Variants in DPP6 observed in about 807,000 individuals in gnomAD.
The protein encoded by DPP6 is A-type potassium channel modulatory protein DPP6.
DPP6 carries 69 observed loss-of-function variants against 122.6 expected under a neutral mutation model. The observed-to-expected ratio is 0.56, with a 90% CI of 0.46 to 0.69. The LOEUF is 0.69. Among genes scored for constraint, DPP6 ranks in the 30% least tolerant of loss-of-function variants. DPP6 has a pLI of 0.00. For synonymous variants in DPP6, 418 were observed against 433.1 expected (o/e 0.97, Z 0.43); for missense variants, 928 against 1,116.9 (o/e 0.83, Z 2.41).
intron 1 of DPP6, among the ~76,000 whole-genome samples, chr7:154,011,949 T>A (rs1798171992): frequency 6.6e-6 from 1 of 152,216 alleles, no homozygotes; most frequent in African/African-American, 2.4e-5. Context: ...AATGTTTTTA[T>A]GATGAAACTG....
At chr7:154,026,137 G>A (rs1296616594) in intron 1 of DPP6, 4 of 151,654 alleles carry the variant, frequency 2.6e-5, no homozygotes, top group Non-Finnish European at 5.9e-5. Flanking sequence ...GGTCAGGTAC[G>A]CAGGTGCCAC....
At chr7:154,866,958 G>T (rs887894689) in intron 17 of DPP6, among the ~76,000 whole-genome samples, 1 of 151,236 alleles carries the variant, frequency 6.6e-6, no homozygotes, top group African/African-American at 2.4e-5. Flanking sequence ...CAGCTGCCCC[G>T]GAGAAGCGCC....
intron 3 of DPP6, among the ~76,000 whole-genome samples, chr7:154,513,634 T>G (rs148837919): frequency 0.012 from 1,783 of 152,234 alleles, 32 homozygotes; most frequent in African/African-American, 0.038. Flanking sequence ...ATGTCCACCC[T>G]GGGAAACATG....
intron 1 of DPP6, among the ~76,000 whole-genome samples, chr7:154,184,912 C>T (rs894666847): frequency 6.6e-6 from 1 of 152,164 alleles, no homozygotes; most frequent in Non-Finnish European, 1.5e-5. Context: ...ATCTGAGCCA[C>T]GGTGCGATGG....
At chr7:154,723,468 T>A (rs2316241) in intron 7 of DPP6, among the ~76,000 whole-genome samples, 4,451 of 149,174 alleles carry the variant, frequency 0.03, 133 homozygotes, top group African/African-American at 0.07. Context: ...CATTTATTTT[T>A]AAAAAAAAAA....
intron 1 of DPP6, among the ~76,000 whole-genome samples, chr7:154,088,777 G>A (rs577789361): frequency 4.6e-5 from 7 of 152,240 alleles, no homozygotes; most frequent in African/African-American, 1.7e-4. Context: ...AGAGAAACTC[G>A]TGCTTTCCTG....
intron 5 of DPP6, among the ~76,000 whole-genome samples, chr7:154,606,759 G>A (rs1586720729): frequency 8.3e-6 from 1 of 120,758 alleles, no homozygotes; most frequent in African/African-American, 2.6e-5. Flanking sequence ...ATTAAGAAAA[G>A]TTAGATGGTC....
At chr7:154,597,367 G>T (rs981679354) in intron 5 of DPP6, among the ~76,000 whole-genome samples, 1 of 152,104 alleles carries the variant, frequency 6.6e-6, no homozygotes, top group Admixed American at 6.6e-5. Context: ...ACTTTGGGAG[G>T]CCGAGGCAGG....
At chr7:153,775,828 T>G in the DPP6 span, among the ~76,000 whole-genome samples, 40 of 152,258 alleles carry the variant, frequency 2.6e-4, 1 homozygote, top group South Asian at 8.3e-3. Flanking sequence ...CCATTCAAAA[T>G]AGCATAAAAA....
intron 1 of DPP6, among the ~76,000 whole-genome samples, chr7:154,206,733 G>A (rs1486067237): frequency 6.6e-6 from 1 of 152,208 alleles, no homozygotes; most frequent in African/African-American, 2.4e-5. Flanking sequence ...ACTGTAGAGC[G>A]ATGGAAATGT....
chr7:154,347,082 G>A (rs1448151681), intron 1 of DPP6, among the ~76,000 whole-genome samples: 1 of 152,158 alleles, frequency 6.6e-6, no homozygotes, highest in Non-Finnish European at 1.5e-5. Flanking sequence ...GCCCTGTAAT[G>A]TTATTCCATG....
At chr7:154,881,334 GA>G (rs1163827109) in intron 21 of DPP6, among the ~76,000 whole-genome samples, 3 of 152,202 alleles carry the variant, frequency 2.0e-5, no homozygotes. Flanking sequence ...TACTTAGACG[GA>G]AGCACAGGTG....
intron 17 of DPP6, among the ~76,000 whole-genome samples, chr7:154,858,752 C>T (rs940502346): frequency 1.3e-5 from 2 of 152,332 alleles, no homozygotes; most frequent in East Asian, 3.9e-4. Context: ...TGGGGTCATA[C>T]TCCATGCACT....
At chr7:154,145,705 T>G (rs1348592663) in intron 1 of DPP6, among the ~76,000 whole-genome samples, 3 of 109,090 alleles carry the variant, frequency 2.8e-5, no homozygotes, top group Non-Finnish European at 5.8e-5. Context: ...GCAGCTGATC[T>G]TCGCAAGTTC....
chr7:154,720,668 G>T (rs1234671131), intron 7 of DPP6, among the ~76,000 whole-genome samples: 1 of 152,236 alleles, frequency 6.6e-6, no homozygotes, highest in Non-Finnish European at 1.5e-5. Context: ...CCACTGCAGG[G>T]CCCCAGTGCC....
rs557887991 is a variant in DPP6, at chr7:154,875,693, C to G, written c.1884-213C>G. ...TAGGGATGGCCCTGGGTGTCCTAGG[C>G]TCTTGGAGGTCTCCTCTTCCTCCTC... On this transcript the variant is annotated intron_variant, in intron 19 of 25. Transcript: ENST00000377770. The surrounding 1 kb of genome is among the most constrained non-coding windows in gnomAD (Gnocchi z 4.5). Among the ~76,000 whole-genome samples, 7 of 152,226 alleles carry G rather than the reference C, an allele frequency of 4.6e-5. 1 individual carries two copies. Among genetic ancestry groups the G allele is most frequent in the African/African-American group, 1.7e-4 (7 of 41,524 alleles).
chr7:153,914,044 TCATCTTGAATTGTAGCTCCCATAATTCC>T (rs1225958676), intron 1 of DPP6, among the ~76,000 whole-genome samples: 2 of 152,146 alleles, frequency 1.3e-5, no homozygotes, highest in Non-Finnish European at 2.9e-5. Context: ...CACCCAAATC[TCATCTTGAATTGTAGCTCCCATAATTCC>T]CACGTGTTGT....
chr7:154,753,362 G>A (rs1379811012), intron 8 of DPP6, among the ~76,000 whole-genome samples: 2 of 152,056 alleles, frequency 1.3e-5, no homozygotes, highest in African/African-American at 2.4e-5. Context: ...GGTGACACAG[G>A]GTGTGTGACG....
chr7:154,482,752 C>A (rs1463851058), intron 3 of DPP6, among the ~76,000 whole-genome samples: 1 of 152,072 alleles, frequency 6.6e-6, no homozygotes, highest in Non-Finnish European at 1.5e-5. Context: ...AAAGTTTAGG[C>A]TGTGACAGGA....
Sources: allele counts gnomAD v4.1 joint callset (sites outside exome capture counted in the v4.1 genomes callset), GRCh38; gene constraint gnomAD v4.1.1; non-coding constraint Gnocchi (gnomAD v3.1); transcripts MANE v1.5; gene names NCBI Gene and HGNC (gene_info 2026-07-23, HGNC 2026-07-21).